PBX1: variants seen among roughly 807,000 people sequenced by gnomAD.
PBX1 encodes PBX homeobox 1, also known as pre-B-cell leukemia transcription factor 1.
Under a neutral mutation model 53.4 loss-of-function variants are expected in PBX1, and 6 were observed. The ratio of observed to expected loss-of-function variants is 0.11; its 90% CI spans 0.06 to 0.22. The LOEUF (loss-of-function observed/expected upper bound fraction) is 0.22. PBX1 is among the 10% of genes least tolerant of loss of function. The pLI is 1.00. For synonymous variants in PBX1, 204 were observed against 212.3 expected (o/e 0.96, Z 0.34); for missense variants, 251 against 551.4 (o/e 0.46, Z 5.46).
At chr1:164,612,642 G>T (rs1434056401) in intron 2 of PBX1, among the ~76,000 whole-genome samples, 1 of 151,966 alleles carries the variant, frequency 6.6e-6, no homozygotes, top group Non-Finnish European at 1.5e-5. Flanking sequence ...TGAATGAAAA[G>T]AGACAAAAGA....
intron 2 of PBX1, among the ~76,000 whole-genome samples, chr1:164,763,575 C>T (rs766866498): frequency 6.6e-6 from 1 of 152,172 alleles, no homozygotes; most frequent in Non-Finnish European, 1.5e-5. Context: ...TAGCTACAGC[C>T]TACAGATTTT....
chr1:164,748,310 G>A (rs544560168), intron 2 of PBX1, among the ~76,000 whole-genome samples: 2 of 152,124 alleles, frequency 1.3e-5, no homozygotes, highest in African/African-American at 2.4e-5. Flanking sequence ...CTCGCCTCAC[G>A]TTTCCTGCTG....
At chr1:164,738,018 T>C (rs925296862) in intron 2 of PBX1, among the ~76,000 whole-genome samples, 5 of 152,158 alleles carry the variant, frequency 3.3e-5, no homozygotes, top group African/African-American at 9.7e-5. Flanking sequence ...CATATATATA[T>C]ATATGGCTTT....
intron 8 of PBX1, among the ~76,000 whole-genome samples, chr1:164,832,970 C>T (rs376234672): frequency 1.4e-4 from 21 of 151,994 alleles, no homozygotes; most frequent in African/African-American, 4.6e-4. Flanking sequence ...AATTAAAGAA[C>T]AATTAAAAAA....
chr1:164,586,072 A>G (rs1654933533), intron 2 of PBX1, among the ~76,000 whole-genome samples: 1 of 152,366 alleles, frequency 6.6e-6, no homozygotes, highest in Middle Eastern at 3.4e-3. Context: ...ATTCACAGAT[A>G]GGTGCTGTAC....
chr1:164,841,950 G>A (rs965028826), intron 8 of PBX1, among the ~76,000 whole-genome samples: 24 of 152,314 alleles, frequency 1.6e-4, no homozygotes, highest in Middle Eastern at 3.4e-3. Flanking sequence ...GACATCAGCC[G>A]GTTTGTGGCA....
chr1:164,572,104 A>G (rs999776791), intron 2 of PBX1, among the ~76,000 whole-genome samples: 1 of 151,046 alleles, frequency 6.6e-6, no homozygotes, highest in Non-Finnish European at 1.5e-5. Context: ...ATGGGATTTC[A>G]CCATGTTGAC....
chr1:164,756,305 T>C (rs1780363), intron 2 of PBX1, among the ~76,000 whole-genome samples: 53,122 of 152,002 alleles, frequency 0.35, 10,706 homozygotes, highest in Middle Eastern at 0.46. Context: ...TGATTTTTTT[T>C]CCCCTTTAAA....
intron 2 of PBX1, among the ~76,000 whole-genome samples, chr1:164,681,866 G>T (rs1405221339): frequency 6.6e-6 from 1 of 152,114 alleles, no homozygotes; most frequent in Non-Finnish European, 1.5e-5. Flanking sequence ...TGTCCTCAAT[G>T]TTTTGATATT....
intron 2 of PBX1, among the ~76,000 whole-genome samples, chr1:164,759,976 C>T (rs764409651): frequency 6.6e-6 from 1 of 152,200 alleles, no homozygotes; most frequent in Non-Finnish European, 1.5e-5. Flanking sequence ...TTGTAAAGCT[C>T]TGTAGAGGTA....
At chr1:164,615,512 A>G (rs1450962516) in intron 2 of PBX1, among the ~76,000 whole-genome samples, 1 of 152,000 alleles carries the variant, frequency 6.6e-6, no homozygotes, top group East Asian at 1.9e-4. Context: ...GTGATTCCCT[A>G]TAGATGACAA....
intron 2 of PBX1, among the ~76,000 whole-genome samples, chr1:164,593,145 A>T (rs529797469): frequency 6.6e-6 from 1 of 152,042 alleles, no homozygotes; most frequent in East Asian, 1.9e-4. Context: ...TTTAATAGAG[A>T]TGGGGTTTCG....
At chr1:164,877,748 G>A (rs1042599646) in intron 2 of PBX1, among the ~76,000 whole-genome samples, 1 of 151,954 alleles carries the variant, frequency 6.6e-6, no homozygotes, top group African/African-American at 2.4e-5. Flanking sequence ...ATAATAAACT[G>A]TACATTTGAA....
chr1:164,837,250 A>G (rs922736591), intron 8 of PBX1, among the ~76,000 whole-genome samples: 1 of 152,208 alleles, frequency 6.6e-6, no homozygotes. Flanking sequence ...AACAAAGCCA[A>G]AGCAAAATCA....
At chr1:164,686,081 A>G (rs2102009134) in intron 2 of PBX1, among the ~76,000 whole-genome samples, 1 of 152,264 alleles carries the variant, frequency 6.6e-6, no homozygotes, top group East Asian at 1.9e-4. Context: ...CCAGCCCTCC[A>G]TTTATTCATC....
intron 3 of PBX1, among the ~76,000 whole-genome samples, chr1:164,796,570 C>T (rs1241624781): frequency 6.6e-6 from 1 of 152,198 alleles, no homozygotes; most frequent in East Asian, 1.9e-4. Context: ...AATCCAATCT[C>T]ATCCTTGGAT....
chr1:164,614,762 T>C (rs1364483756), intron 2 of PBX1, among the ~76,000 whole-genome samples: 3 of 152,154 alleles, frequency 2.0e-5, no homozygotes, highest in Non-Finnish European at 2.9e-5. Flanking sequence ...TCCCTGGTCA[T>C]GTCAGTTGAA....
At position 164,604,206 on chromosome 1, in the gene PBX1, G is replaced by T. The variant is rs1277865291; in HGVS notation, c.265+40895G>T. Among the ~76,000 whole-genome samples, 3 of 152,082 alleles carry T rather than the reference G, an allele frequency of 2.0e-5. No individual in the cohort carries two copies. The East Asian group carries it at 5.8e-4, about 29-fold the overall frequency. On this transcript the variant is annotated intron_variant, in intron 2 of 8. Coordinates refer to ENST00000420696, the MANE Select transcript of PBX1 (RefSeq NM_002585.4). ...TCCGCCTGCCTCAGCTTCCCAAAGT[G>T]CTATGATTACAGGCGTGAGCCACTG...
chr1:164,848,830 C>G lies in PBX1; in HGVS notation c.*2154C>G, dbSNP rs772476783. On this transcript the variant is annotated 3_prime_UTR_variant, in exon 9 of 9. Transcript: ENST00000420696. ...GCACTACAGTCATAAATAGAAAACA[C>G]TGTGTGTGCTCAGGGGAGCAGGGGA... 5 of 1,064,162 alleles carry G rather than the reference C, an allele frequency of 4.7e-6. No homozygotes were observed. The highest frequency in any genetic ancestry group is 5.7e-6 in the Non-Finnish European group (5 of 878,680). 65.9% of individuals were successfully genotyped at this position (1,064,162 alleles called of 1,614,324 possible).
Sources: allele counts gnomAD v4.1 joint callset (sites outside exome capture counted in the v4.1 genomes callset), GRCh38; gene constraint gnomAD v4.1.1; transcripts MANE v1.5; gene names NCBI Gene and HGNC (gene_info 2026-07-23, HGNC 2026-07-21).